ZNF521: variants seen among roughly 807,000 people sequenced by gnomAD.
The protein encoded by ZNF521 is zinc finger protein 521.
ZNF521 carries 14 observed loss-of-function variants against 105.5 expected under a neutral mutation model. That is an observed-to-expected ratio of 0.13 (90% CI 0.09 to 0.21). The LOEUF is 0.21. Among genes scored for constraint, ZNF521 ranks in the 10% least tolerant of loss-of-function variants. The probability of loss-of-function intolerance (pLI) is 1.00; values close to 1 mark genes in which losing one functional copy is unlikely to be tolerated. For missense variants in ZNF521, 1,233 were observed against 1,629.7 expected (o/e 0.76, Z 4.19); for synonymous variants, 635 against 606.0 (o/e 1.05, Z -0.70).
At position 25,261,120 on chromosome 18, in the gene ZNF521, G is replaced by C. The variant is rs544061873; in HGVS notation, c.221-33423C>G. 2.6e-5 allele frequency among the ~76,000 whole-genome samples: 4 copies of C among 152,188 alleles called. No homozygotes were observed. In the South Asian group the frequency reaches 8.3e-4, roughly 32 times the overall value. On this transcript the variant is annotated intron_variant, in intron 3 of 7. Transcript: ENST00000361524. ...GGTCTGAGAGGCAATTTGCATCTCTGGGAATTCATGTCCAGAGTCCTCCTC... is the reference window on the plus strand; with the variant it reads ...GGTCTGAGAGGCAATTTGCATCTCTCGGAATTCATGTCCAGAGTCCTCCTC...
chr18:25,152,834 G>A (rs112368731), intron 5 of ZNF521, among the ~76,000 whole-genome samples: 25 of 151,936 alleles, frequency 1.6e-4, no homozygotes, highest in African/African-American at 5.6e-4. Context: ...TTGATACTTC[G>A]CTGGCATTAA....
chr18:25,144,810 A>C (rs910567847), intron 5 of ZNF521, among the ~76,000 whole-genome samples: 15 of 152,350 alleles, frequency 9.8e-5, no homozygotes, highest in African/African-American at 3.6e-4. Context: ...AAAACGCAGG[A>C]GGAAAGAGTG....
chr18:25,301,866 C>T (rs1046786668), intron 3 of ZNF521: 12 of 152,130 alleles, frequency 7.9e-5, no homozygotes, highest in African/African-American at 2.9e-4. Context: ...TACCAACCCC[C>T]TAATAAGCAA....
intron 3 of ZNF521, among the ~76,000 whole-genome samples, chr18:25,316,556 C>A (rs1448735059): frequency 1.3e-5 from 2 of 152,072 alleles, no homozygotes; most frequent in African/African-American, 2.4e-5. Flanking sequence ...GCAAAAGCAT[C>A]ATATTACTTT....
intron 3 of ZNF521, among the ~76,000 whole-genome samples, chr18:25,258,007 T>C (rs950454081): frequency 6.6e-6 from 1 of 152,120 alleles, no homozygotes; most frequent in African/African-American, 2.4e-5. Flanking sequence ...AAAAACAAAA[T>C]TTCTTTTGGT....
intron 4 of ZNF521, among the ~76,000 whole-genome samples, chr18:25,219,450 G>A (rs1905549695): frequency 6.6e-6 from 1 of 152,188 alleles, no homozygotes; most frequent in African/African-American, 2.4e-5. Context: ...TGAGTTTGAA[G>A]TTCAAGGGAA....
intron 2 of ZNF521, among the ~76,000 whole-genome samples, chr18:25,329,109 C>T (rs567358636): frequency 2.6e-5 from 4 of 152,164 alleles, no homozygotes; most frequent in Non-Finnish European, 5.9e-5. Context: ...GGAGATACAA[C>T]GTCTAAATTC....
chr18:25,094,095 G>C (rs1229740005), intron 5 of ZNF521, among the ~76,000 whole-genome samples: 1 of 152,200 alleles, frequency 6.6e-6, no homozygotes, highest in Non-Finnish European at 1.5e-5. Context: ...CTATGGATAT[G>C]AACTGATATA....
intron 4 of ZNF521, among the ~76,000 whole-genome samples, chr18:25,222,314 T>C (rs907642240): frequency 8.5e-5 from 13 of 152,236 alleles, no homozygotes; most frequent in African/African-American, 3.1e-4. Flanking sequence ...GCCTTAATGA[T>C]AAATTCTCCT....
At chr18:25,300,525 T>C (rs1378666057) in intron 3 of ZNF521, among the ~76,000 whole-genome samples, 1 of 152,190 alleles carries the variant, frequency 6.6e-6, no homozygotes, top group Non-Finnish European at 1.5e-5. Context: ...CATCTCTTAT[T>C]ATTAAAAGCT....
intron 3 of ZNF521, among the ~76,000 whole-genome samples, chr18:25,299,937 T>C (rs1911539228): frequency 6.6e-6 from 1 of 152,212 alleles, no homozygotes. Context: ...GTGACCTTCC[T>C]ATTCCACCAT....
chr18:25,185,016 T>C (rs181218238), intron 5 of ZNF521, among the ~76,000 whole-genome samples: 19 of 152,266 alleles, frequency 1.2e-4, no homozygotes, highest in Admixed American at 1.2e-3. Context: ...AGAAAACAAC[T>C]AGTGTATACA....
intron 5 of ZNF521, among the ~76,000 whole-genome samples, chr18:25,113,679 G>C (rs140480473): frequency 7.2e-5 from 11 of 152,008 alleles, no homozygotes; most frequent in African/African-American, 2.7e-4. Context: ...AGATAGCGTG[G>C]AGAGAACGAG....
At chr18:25,150,891 CTT>C (rs559303954) in intron 5 of ZNF521, among the ~76,000 whole-genome samples, 11 of 132,174 alleles carry the variant, frequency 8.3e-5, no homozygotes, top group Non-Finnish European at 6.4e-5. Flanking sequence ...TTTCTTTTTT[CTT>C]TTTTTTTTTT....
At chr18:25,221,575 G>C (rs1329032425) in intron 4 of ZNF521, among the ~76,000 whole-genome samples, 1 of 152,104 alleles carries the variant, frequency 6.6e-6, no homozygotes, top group South Asian at 2.1e-4. Flanking sequence ...GCCTCAGCAA[G>C]AAGAAGAGAT....
chr18:25,322,556 C>CAAAA (rs1311502086), intron 2 of ZNF521, among the ~76,000 whole-genome samples: 8,645 of 144,560 alleles, frequency 0.06, 265 homozygotes, highest in Middle Eastern at 0.1. Context: ...AAAAAAAACC[C>CAAAA]CCCCACTGTG....
intron 1 of ZNF521, 59 bp downstream of exon 1, chr18:25,351,944 GGA>G: frequency 6.3e-6 from 2 of 315,574 alleles, no homozygotes. Context: ...AGGAGGAGGA[GGA>G]GAGCCGGGAG....
At chr18:25,074,994 CT>C (rs2033325401) in intron 7 of ZNF521, among the ~76,000 whole-genome samples, 1 of 152,140 alleles carries the variant, frequency 6.6e-6, no homozygotes, top group Non-Finnish European at 1.5e-5. Context: ...AAAAAAATCT[CT>C]TTAAAGTGAA....
intron 3 of ZNF521, among the ~76,000 whole-genome samples, chr18:25,300,467 T>C (rs2069228997): frequency 1.3e-5 from 2 of 152,192 alleles, no homozygotes; most frequent in South Asian, 4.1e-4. Flanking sequence ...CATGTTTTGA[T>C]CTAATAGTGT....
Sources: gnomAD v4.1 joint callset for allele counts (sites outside exome capture counted in the v4.1 genomes callset) on GRCh38, gnomAD v4.1.1 for gene constraint, MANE v1.5 for transcripts, NCBI Gene and HGNC (gene_info 2026-07-23, HGNC 2026-07-21) for gene names.